The following NKAIN2 variants were observed in gnomAD, a reference collection of about 807,000 sequenced individuals.
NKAIN2 encodes sodium/potassium-transporting ATPase subunit beta-1-interacting protein 2.
Under a neutral mutation model 32.6 loss-of-function variants are expected in NKAIN2, and 14 were observed. The ratio of observed to expected loss-of-function variants is 0.43; its 90% confidence interval spans 0.28 to 0.67. The LOEUF (loss-of-function observed/expected upper bound fraction) is 0.67. Among genes scored for constraint, NKAIN2 ranks in the 30% least tolerant of loss-of-function variants. The pLI is 0.17. For synonymous variants in NKAIN2, 80 were observed against 87.2 expected, an observed-to-expected ratio of 0.92 and a Z score of 0.46; for missense variants, 198 against 258.3, an observed-to-expected ratio of 0.77 and a Z score of 1.60.
intron 4 of NKAIN2, among the ~76,000 whole-genome samples, chr6:124,706,802 G>A (rs1377332162): frequency 2.0e-5 from 3 of 152,028 alleles, no homozygotes; most frequent in South Asian, 2.1e-4. Flanking sequence ...AAAACAGACT[G>A]AATGCATTAA....
At chr6:124,730,207 T>G (rs1327708402) in intron 4 of NKAIN2, among the ~76,000 whole-genome samples, 2 of 90,692 alleles carry the variant, frequency 2.2e-5, no homozygotes, top group African/African-American at 8.7e-5. Flanking sequence ...TGGAAAAAAC[T>G]ACTTTAAAGT....
chr6:124,109,660 G>A lies in NKAIN2; in HGVS notation c.55-173345G>A, dbSNP rs73770348. Among the ~76,000 whole-genome samples the A allele has an allele frequency of 7.5e-3, 1,141 of 152,192 alleles. 15 individuals carry two copies. The highest frequency in any genetic ancestry group is 0.027 in the African/African-American group (1,106 of 41,546). ...CTAGTAATATTCTGAAAGAAGTGGT[G>A]AGAGTGGCATTCTTGCCTCATTCCT... On this transcript the variant is annotated intron_variant, in intron 1 of 6. Transcript: ENST00000368417.
chr6:124,799,307 C>T (rs1323728850), intron 5 of NKAIN2, among the ~76,000 whole-genome samples: 1 of 152,198 alleles, frequency 6.6e-6, no homozygotes, highest in African/African-American at 2.4e-5. Flanking sequence ...TATTAAATTG[C>T]TCCCTCTTGT....
In NKAIN2 at chr6:124,735,466, G is replaced by A. The variant is rs188193586; in HGVS notation, c.475-55873G>A. Among the ~76,000 whole-genome samples the A allele has an allele frequency of 7.9e-3, 1,206 of 151,942 alleles. 8 individuals carry two copies. The highest frequency in any genetic ancestry group is 0.01 in the Middle Eastern group (3 of 294). On this transcript the variant is annotated intron_variant, in intron 4 of 6. Coordinates refer to ENST00000368417, the MANE Select transcript of NKAIN2 (RefSeq NM_001040214.3). ...AATTATGCTTTTGTTATCAAGTACA[G>A]AGTTAAAAAAATAAAAGTAGTGGTA...
At chr6:124,774,205 T>A (rs542416563) in intron 4 of NKAIN2, among the ~76,000 whole-genome samples, 8 of 152,236 alleles carry the variant, frequency 5.3e-5, no homozygotes, top group African/African-American at 1.9e-4. Flanking sequence ...ATTGCAGTGA[T>A]CTAGGTGAAA....
chr6:124,683,283 G>A (rs1461725950), intron 4 of NKAIN2, among the ~76,000 whole-genome samples: 2 of 152,050 alleles, frequency 1.3e-5, no homozygotes, highest in Admixed American at 1.3e-4. Context: ...CCGTTCCTGT[G>A]GGCAACAAGA....
intron 3 of NKAIN2, among the ~76,000 whole-genome samples, chr6:124,433,985 A>T (rs1028581970): frequency 1.3e-5 from 2 of 152,154 alleles, no homozygotes; most frequent in African/African-American, 4.8e-5. Flanking sequence ...AAGCGAAAAA[A>T]ATCCCTCATC....
At chr6:124,193,277 G>A (rs928470307) in intron 1 of NKAIN2, among the ~76,000 whole-genome samples, 8 of 152,206 alleles carry the variant, frequency 5.3e-5, no homozygotes, top group African/African-American at 1.7e-4. Context: ...TCTCATGCCT[G>A]CCAAGGGCAA....
chr6:124,476,701 C>T (rs1414241763), intron 3 of NKAIN2, among the ~76,000 whole-genome samples: 2 of 152,088 alleles, frequency 1.3e-5, no homozygotes, highest in Non-Finnish European at 1.5e-5. Context: ...ATTTAAAAAT[C>T]ATTTACATCT....
chr6:124,731,361 A>C (rs1776656642), intron 4 of NKAIN2, among the ~76,000 whole-genome samples: 1 of 151,948 alleles, frequency 6.6e-6, no homozygotes, highest in Non-Finnish European at 1.5e-5. Flanking sequence ...CACATACACC[A>C]TGGAATACTA....
In NKAIN2 at chr6:124,823,411, C is replaced by T. The variant is rs954991771; in HGVS notation, c.*182C>T. On this transcript the variant is annotated 3_prime_UTR_variant, in exon 7 of 7. Transcript: ENST00000368417. Reference sequence around the variant, plus strand: ...ACACACACACACACGTGAGCACGCACACACCAATTCCACTTGACCTCCTCT... The same window carrying T: ...ACACACACACACACGTGAGCACGCATACACCAATTCCACTTGACCTCCTCT... 3 of 568,840 alleles carry T rather than the reference C, an allele frequency of 5.3e-6. No homozygotes were observed. Among genetic ancestry groups the T allele is most frequent in the South Asian group, 2.5e-5 (1 of 40,226 alleles). 35.2% of individuals were successfully genotyped at this position (568,840 alleles called of 1,614,324 possible). A position where few individuals can be genotyped will look rare whatever the true frequency, so the allele number is the denominator to read the frequency against.
chr6:123,902,380 A>T (rs1052516158), intron 1 of NKAIN2, among the ~76,000 whole-genome samples: 3 of 152,114 alleles, frequency 2.0e-5, no homozygotes, highest in Non-Finnish European at 4.4e-5. Context: ...AGGCTAAAAA[A>T]AGTTTCATTT....
intron 3 of NKAIN2, among the ~76,000 whole-genome samples, chr6:124,447,978 CT>C (rs1775963242): frequency 6.6e-6 from 1 of 151,988 alleles, no homozygotes; most frequent in Non-Finnish European, 1.5e-5. Context: ...GTATGTATCC[CT>C]TAAGTATGGT....
chr6:123,858,610 C>G (rs13196075), intron 1 of NKAIN2, among the ~76,000 whole-genome samples: 37,188 of 152,066 alleles, frequency 0.24, 4,986 homozygotes, highest in East Asian at 0.46. Flanking sequence ...GCAAATAGTT[C>G]TTTCTTTAGT....
intron 3 of NKAIN2, among the ~76,000 whole-genome samples, chr6:124,495,304 A>G (rs1778021844): frequency 6.6e-6 from 1 of 152,122 alleles, no homozygotes; most frequent in South Asian, 2.1e-4. Flanking sequence ...GAGTAATTGA[A>G]TGTGAGATTT....
intron 2 of NKAIN2, among the ~76,000 whole-genome samples, chr6:124,291,796 C>T (rs891754859): frequency 3.3e-5 from 5 of 152,042 alleles, no homozygotes; most frequent in African/African-American, 1.2e-4. Context: ...CCCTCAAGCC[C>T]CTATTCCTTT....
At chr6:124,096,478 C>T (rs897146820) in intron 1 of NKAIN2, among the ~76,000 whole-genome samples, 2 of 152,304 alleles carry the variant, frequency 1.3e-5, no homozygotes, top group East Asian at 3.9e-4. Flanking sequence ...TACAGCTCAA[C>T]AGCTTTGACC....
chr6:124,639,070 A>G (rs956725824), intron 3 of NKAIN2, among the ~76,000 whole-genome samples: 14 of 152,112 alleles, frequency 9.2e-5, no homozygotes, highest in Non-Finnish European at 1.9e-4. Flanking sequence ...ATTATCAAAA[A>G]GGTAAAAAGT....
intron 2 of NKAIN2, among the ~76,000 whole-genome samples, chr6:124,326,264 G>T (rs1583053010): frequency 7.0e-6 from 1 of 142,598 alleles, no homozygotes; most frequent in African/African-American, 2.6e-5. Context: ...TTACTTTTGT[G>T]GCCACTTTTT....
Sources: gnomAD v4.1 joint callset for allele counts (sites outside exome capture counted in the v4.1 genomes callset) on GRCh38, gnomAD v4.1.1 for gene constraint, MANE v1.5 for transcripts, NCBI Gene and HGNC (gene_info 2026-07-23, HGNC 2026-07-21) for gene names.